MACC1: variants seen among roughly 807,000 people sequenced by gnomAD.
The protein encoded by MACC1 is MET transcriptional regulator MACC1, also known as metastasis-associated in colon cancer protein 1.
A neutral mutation model predicts 70.7 loss-of-function variants in MACC1; 79 were observed. The ratio of observed to expected loss-of-function variants is 1.12; its 90% CI spans 0.93 to 1.35. The LOEUF (loss-of-function observed/expected upper bound fraction) is 1.35. MACC1 is among the 40% of genes most tolerant of loss of function. The pLI, the probability that MACC1 is intolerant of heterozygous loss-of-function variation, is 0.00. For missense variants in MACC1, 1,106 were observed against 978.1 expected, an observed-to-expected ratio of 1.13 and a Z score of -1.74; for synonymous variants, 361 against 347.2, an observed-to-expected ratio of 1.04 and a Z score of -0.44.
intron 2 of MACC1, among the ~76,000 whole-genome samples, chr7:20,169,152 C>T (rs1331233445): frequency 1.3e-5 from 2 of 152,198 alleles, no homozygotes; most frequent in Non-Finnish European, 2.9e-5. Context: ...CATTTAATGA[C>T]TTCTTTTACC....
intron 1 of MACC1, among the ~76,000 whole-genome samples, chr7:20,179,886 T>C (rs1368821913): frequency 6.6e-6 from 1 of 152,160 alleles, no homozygotes; most frequent in Non-Finnish European, 1.5e-5. Flanking sequence ...GGTCTGTGAA[T>C]TCAATCACCT....
rs150354442 is a variant in MACC1, at chr7:20,203,751, G to C, written c.-218+13548C>G. ...AGATTTGTGAAAATATTGCCAATTG[G>C]GATTTTTGCCAGATACCTCTTTCTG... On this transcript the variant is annotated intron_variant, in intron 1 of 6. Transcript: ENST00000400331. 8.4e-3 allele frequency among the ~76,000 whole-genome samples: 1,271 copies of C among 152,116 alleles called. 23 individuals carry two copies. The highest frequency in any genetic ancestry group is 0.029 in the African/African-American group (1,203 of 41,500).
intron 1 of MACC1, among the ~76,000 whole-genome samples, chr7:20,196,329 C>T (rs572408266): frequency 3.7e-4 from 57 of 152,116 alleles, no homozygotes; most frequent in South Asian, 1.0e-3. Context: ...TACAGGCGCC[C>T]GCCACCACGC....
intron 2 of MACC1, among the ~76,000 whole-genome samples, chr7:20,165,574 G>A (rs989321681): frequency 1.3e-5 from 2 of 151,352 alleles, no homozygotes; most frequent in African/African-American, 4.9e-5. Context: ...ACCAAGATCT[G>A]CCTGGACAAT....
Position 20,140,884 on chromosome 7 carries a change from G to GGC in MACC1, c.*61_*62insGC. The GGC allele has an allele frequency of 1.0e-6, 1 of 984,888 alleles. No individual in the cohort carries two copies. The highest frequency in any genetic ancestry group is 1.5e-6 in the Non-Finnish European group (1 of 668,470). The allele number at this position is 984,888 out of a possible 1,614,324, so 61.0% of individuals were successfully genotyped here. ...ACAGAGACACACACAGACACACACA[G>GGC]ACACACACACACACACACCATTACC... On this transcript the variant is annotated 3_prime_UTR_variant, in exon 7 of 7. Transcript: ENST00000400331.
Position 20,159,583 on chromosome 7 carries a change from T to C in MACC1, c.778A>G (p.Met260Val), listed in dbSNP as rs1214857109. The C allele has an allele frequency of 2.5e-6, 4 of 1,613,952 alleles. No individual in the cohort carries two copies. The highest frequency in any genetic ancestry group is 1.1e-5 in the South Asian group (1 of 91,084). Residue 260 changes from methionine to valine, a missense_variant, in exon 5 of 7, where the codon ATG becomes GTG. Transcript: ENST00000400331. ...SLRAFLDPPHMLNHDLSCTVS... is the reference protein window; with the variant it reads ...SLRAFLDPPHVLNHDLSCTVS... ...GTGCACGAAAGATCATGGTTAAGCA[T>C]GTGTGGCGGATCAAGGAAAGCCCTT...
At position 20,135,492 on chromosome 7, in the gene MACC1, A is replaced by T. The variant is rs976225262; in HGVS notation, c.*5454T>A. On this transcript the variant is annotated 3_prime_UTR_variant, in exon 7 of 7. Coordinates refer to ENST00000400331, the MANE Select transcript of MACC1 (RefSeq NM_182762.4). ...CTTTCCATTTCTATAGAGATGAAGGAAATTTTAATACAGTGGTTCTCAAAC... is the reference window on the plus strand; with the variant it reads ...CTTTCCATTTCTATAGAGATGAAGGTAATTTTAATACAGTGGTTCTCAAAC... 2 of 152,218 alleles carry T rather than the reference A, an allele frequency of 1.3e-5. No homozygotes were observed. The highest frequency in any genetic ancestry group is 1.5e-5 in the Non-Finnish European group (1 of 68,040). 9.4% of individuals were successfully genotyped at this position (152,218 alleles called of 1,614,324 possible). A position where few individuals can be genotyped will look rare whatever the true frequency, so the allele number is the denominator to read the frequency against.
intron 1 of MACC1, among the ~76,000 whole-genome samples, chr7:20,181,661 T>A (rs1782509562): frequency 6.6e-6 from 1 of 152,134 alleles, no homozygotes; most frequent in South Asian, 2.1e-4. Context: ...CATAAACCTT[T>A]CTCTTATACC....
At chr7:20,152,725 C>T (rs563485114) in intron 6 of MACC1, among the ~76,000 whole-genome samples, 1 of 152,100 alleles carries the variant, frequency 6.6e-6, no homozygotes, top group African/African-American at 2.4e-5. Context: ...GGTTTGCTGG[C>T]CTCCATCAAG....
In MACC1 at chr7:20,140,154, C is replaced by T. The variant is rs189316334; in HGVS notation, c.*792G>A. On this transcript the variant is annotated 3_prime_UTR_variant, in exon 7 of 7. Transcript: ENST00000400331. ...CTGATAAGTCATATTTTCCTTCTGT[C>T]AGTCTTTCAAGAGACGATGAAAAAG... 3.9e-5 allele frequency: 6 copies of T among 152,278 alleles called. No homozygotes were observed. The highest frequency in any genetic ancestry group is 8.8e-5 in the Non-Finnish European group (6 of 68,036). 9.4% of individuals were successfully genotyped at this position (152,278 alleles called of 1,614,324 possible).
chr7:20,173,637 T>A (rs1167869877), intron 1 of MACC1, among the ~76,000 whole-genome samples: 1 of 152,218 alleles, frequency 6.6e-6, no homozygotes, highest in African/African-American at 2.4e-5. Context: ...CAGCCACTCA[T>A]AAAATTGTGT....
chr7:20,149,944 T>C (rs940204197), intron 6 of MACC1, among the ~76,000 whole-genome samples: 9 of 152,174 alleles, frequency 5.9e-5, no homozygotes, highest in Non-Finnish European at 1.2e-4. Flanking sequence ...TTAATAGCCA[T>C]GTAACTGGAT....
chr7:20,158,319 A>C lies in MACC1; in HGVS notation c.2042T>G (p.Phe681Cys). 1.9e-6 allele frequency: 3 copies of C among 1,613,806 alleles called. No individual in the cohort carries two copies. Among genetic ancestry groups the C allele is most frequent in the Non-Finnish European group, 2.5e-6 (3 of 1,179,972 alleles). The change falls in exon 5 of 7, where the codon TTT becomes TGT. Residue 681 changes from phenylalanine to cysteine, a missense_variant. By Grantham distance (205) the Phe-to-Cys change is radical. Coordinates refer to ENST00000400331, the MANE Select transcript of MACC1 (RefSeq NM_182762.4). The stretch of plus-strand genomic sequence containing the variant: ...TTCTTTGTCTGCTTGAATTTGATCA[A>C]AATCTTCCAGGGACAGATGTGAGTA... ...LGYSHLSLEDFDQIQADKESE... is the reference protein window; with the variant it reads ...LGYSHLSLEDCDQIQADKESE...
chr7:20,172,196 A>G (rs1196708418), intron 1 of MACC1, among the ~76,000 whole-genome samples: 1 of 152,230 alleles, frequency 6.6e-6, no homozygotes, highest in Non-Finnish European at 1.5e-5. Context: ...CAGCAGGAAT[A>G]AAAGGAAAAC....
chr7:20,164,443 G>A (rs917184605), intron 2 of MACC1, 44 bp from the exon 3 acceptor site: 2 of 152,000 alleles, frequency 1.3e-5, no homozygotes, highest in African/African-American at 4.8e-5. Context: ...GGAAAACAGG[G>A]AAAAGGAATA....
At position 20,140,631 on chromosome 7, in the gene MACC1, T is replaced by G; in HGVS notation, c.*315A>C. On this transcript the variant is annotated 3_prime_UTR_variant, in exon 7 of 7. Transcript: ENST00000400331. ...AGGGCACTTTTCTTTTTTCTTTCCTTTCTAAGAACAAAGCAGCCTAATACT... is the reference window on the plus strand; with the variant it reads ...AGGGCACTTTTCTTTTTTCTTTCCTGTCTAAGAACAAAGCAGCCTAATACT... The G allele has an allele frequency of 4.2e-6, 1 of 238,736 alleles. No homozygotes were observed. Among genetic ancestry groups the G allele is most frequent in the Non-Finnish European group, 8.0e-6 (1 of 125,494 alleles). The allele number at this position is 238,736 out of a possible 1,614,324, so 14.8% of individuals were successfully genotyped here. A position where few individuals can be genotyped will look rare whatever the true frequency, so the allele number is the denominator to read the frequency against.
chr7:20,184,174 A>G (rs1782551824), intron 1 of MACC1, among the ~76,000 whole-genome samples: 1 of 152,208 alleles, frequency 6.6e-6, no homozygotes, highest in African/African-American at 2.4e-5. Context: ...GTTTTTTTAC[A>G]TGGTTGAATT....
chr7:20,171,230 A>G (rs1416040003), intron 1 of MACC1, among the ~76,000 whole-genome samples: 2 of 150,378 alleles, frequency 1.3e-5, no homozygotes, highest in East Asian at 2.0e-4. Context: ...TCTGATTACT[A>G]GAAACTGGAA....
At chr7:20,192,031 A>G (rs1023392304) in intron 1 of MACC1, among the ~76,000 whole-genome samples, 4 of 152,226 alleles carry the variant, frequency 2.6e-5, no homozygotes, top group African/African-American at 4.8e-5. Context: ...ATATAAAACT[A>G]TATGTAATAT....
Sources: gnomAD v4.1 joint callset for allele counts (sites outside exome capture counted in the v4.1 genomes callset) on GRCh38, gnomAD v4.1.1 for gene constraint, MANE v1.5 for transcripts, NCBI Gene and HGNC (gene_info 2026-07-23, HGNC 2026-07-21) for gene names.